GRIK2: variants seen among roughly 807,000 people sequenced by gnomAD.
GRIK2 encodes glutamate receptor ionotropic, kainate 2.
Under a neutral mutation model 100.3 loss-of-function variants are expected in GRIK2, and 32 were observed. That is an observed-to-expected ratio of 0.32 (90% confidence interval 0.24 to 0.43). The LOEUF (loss-of-function observed/expected upper bound fraction) is 0.43. Ranked by LOEUF, GRIK2 falls within the 20% of genes least tolerant of loss-of-function variation. GRIK2 has a pLI of 1.00. For missense variants in GRIK2, 843 were observed against 1,114.9 expected, an observed-to-expected ratio of 0.76 and a Z score of 3.47; for synonymous variants, 417 against 389.4, an observed-to-expected ratio of 1.07 and a Z score of -0.83.
intron 2 of GRIK2, among the ~76,000 whole-genome samples, chr6:101,551,747 TTA>T (rs1430581072): frequency 6.6e-6 from 1 of 152,162 alleles, no homozygotes. Context: ...AGCATTATCT[TTA>T]TGCCTATATA....
At chr6:101,964,970 T>A (rs1792565206) in intron 14 of GRIK2, among the ~76,000 whole-genome samples, 1 of 151,878 alleles carries the variant, frequency 6.6e-6, no homozygotes, top group Non-Finnish European at 1.5e-5. Flanking sequence ...ACCTGAATAG[T>A]TTTTTTAAAG....
At chr6:101,833,670 T>C (rs1370511456) in intron 10 of GRIK2, among the ~76,000 whole-genome samples, 2 of 151,200 alleles carry the variant, frequency 1.3e-5, no homozygotes, top group East Asian at 4.1e-4. Context: ...AACTTTCAAA[T>C]TGTACTTATT....
intron 4 of GRIK2, among the ~76,000 whole-genome samples, chr6:101,630,063 G>A (rs2128319918): frequency 6.6e-6 from 1 of 152,240 alleles, no homozygotes; most frequent in Admixed American, 6.5e-5. Context: ...TTATATGGCT[G>A]CATAGTATTC....
chr6:102,000,773 T>C (rs943902078), intron 14 of GRIK2, among the ~76,000 whole-genome samples: 3 of 152,130 alleles, frequency 2.0e-5, no homozygotes, highest in African/African-American at 7.2e-5. Context: ...TGTGTTTCTC[T>C]CTTTTGTTTC....
intron 4 of GRIK2, among the ~76,000 whole-genome samples, chr6:101,628,651 C>T (rs1298548631): frequency 1.3e-5 from 2 of 152,050 alleles, no homozygotes; most frequent in Non-Finnish European, 2.9e-5. Flanking sequence ...ATCTACAAAA[C>T]TATATAAATA....
intron 7 of GRIK2, among the ~76,000 whole-genome samples, chr6:101,770,380 C>T (rs1461637698): frequency 2.0e-5 from 3 of 152,154 alleles, no homozygotes; most frequent in African/African-American, 2.4e-5. Flanking sequence ...GGTTATCAAA[C>T]TGTTATTTTT....
intron 7 of GRIK2, among the ~76,000 whole-genome samples, chr6:101,793,627 G>T (rs1453555356): frequency 6.6e-6 from 1 of 152,168 alleles, no homozygotes; most frequent in Non-Finnish European, 1.5e-5. Flanking sequence ...ACTGGGGGGT[G>T]CCTCCCAGTT....
intron 14 of GRIK2, among the ~76,000 whole-genome samples, chr6:102,008,678 A>C (rs2114302134): frequency 6.6e-6 from 1 of 152,240 alleles, no homozygotes; most frequent in African/African-American, 2.4e-5. Context: ...ATATTTTCTA[A>C]CAGTATTTAT....
At chr6:101,537,121 C>G (rs1775737609) in intron 2 of GRIK2, among the ~76,000 whole-genome samples, 1 of 151,592 alleles carries the variant, frequency 6.6e-6, no homozygotes, top group African/African-American at 2.4e-5. Flanking sequence ...TTAAAGTGCT[C>G]CTGAAACTGA....
At chr6:101,867,525 A>G (rs963568026) in intron 11 of GRIK2, among the ~76,000 whole-genome samples, 3 of 151,920 alleles carry the variant, frequency 2.0e-5, no homozygotes, top group Middle Eastern at 3.4e-3. Context: ...TTTATGCTAT[A>G]CTAGATTATG....
chr6:101,801,743 A>G (rs1254810187), intron 8 of GRIK2, among the ~76,000 whole-genome samples: 1 of 151,904 alleles, frequency 6.6e-6, no homozygotes, highest in Non-Finnish European at 1.5e-5. Context: ...AGGGTTGAAC[A>G]TATTATACAG....
At chr6:101,948,693 C>T (rs1791431215) in intron 14 of GRIK2, among the ~76,000 whole-genome samples, 1 of 151,762 alleles carries the variant, frequency 6.6e-6, no homozygotes. Flanking sequence ...CAGACTAGTC[C>T]TGAACTCTTA....
intron 12 of GRIK2, among the ~76,000 whole-genome samples, chr6:101,899,255 A>G (rs1295185801): frequency 1.3e-5 from 2 of 151,648 alleles, no homozygotes; most frequent in Admixed American, 1.3e-4. Flanking sequence ...TTAACTTTTA[A>G]TATGTATAGT....
intron 2 of GRIK2, among the ~76,000 whole-genome samples, chr6:101,504,008 C>G (rs1341367841): frequency 1.3e-5 from 2 of 152,076 alleles, no homozygotes; most frequent in Non-Finnish European, 2.9e-5. Flanking sequence ...ATAATTTATA[C>G]AAAATCGACA....
At chr6:101,660,095 C>T (rs1255240051) in intron 4 of GRIK2, among the ~76,000 whole-genome samples, 1 of 152,172 alleles carries the variant, frequency 6.6e-6, no homozygotes, top group Non-Finnish European at 1.5e-5. Flanking sequence ...CTCCCCATCA[C>T]TTTCAGACAC....
intron 14 of GRIK2, among the ~76,000 whole-genome samples, chr6:102,013,005 A>G (rs1795629645): frequency 6.6e-6 from 1 of 152,146 alleles, no homozygotes; most frequent in African/African-American, 2.4e-5. Flanking sequence ...AAGAGCATGA[A>G]TCTGTAAATT....
intron 14 of GRIK2, among the ~76,000 whole-genome samples, chr6:101,933,560 C>T (rs1270694661): frequency 6.6e-6 from 1 of 151,914 alleles, no homozygotes; most frequent in African/African-American, 2.4e-5. Context: ...TTCATGGATT[C>T]CTATTTTCCC....
chr6:101,646,150 T>G (rs1781516178), intron 4 of GRIK2, among the ~76,000 whole-genome samples: 1 of 151,818 alleles, frequency 6.6e-6, no homozygotes, highest in Non-Finnish European at 1.5e-5. Context: ...TTTAGAACTG[T>G]GTCCTCACCT....
intron 9 of GRIK2, among the ~76,000 whole-genome samples, chr6:101,807,474 T>C (rs1781076334): frequency 6.6e-6 from 1 of 152,020 alleles, no homozygotes; most frequent in Non-Finnish European, 1.5e-5. Context: ...AAGTGGAAGT[T>C]ACTATTCAGA....
Sources: gnomAD v4.1 joint callset for allele counts (sites outside exome capture counted in the v4.1 genomes callset) on GRCh38, gnomAD v4.1.1 for gene constraint, MANE v1.5 for transcripts, NCBI Gene and HGNC (gene_info 2026-07-23, HGNC 2026-07-21) for gene names.